Variants in LILRB2 observed in about 807,000 individuals in gnomAD.
LILRB2 encodes leukocyte immunoglobulin like receptor B2, also known as leukocyte immunoglobulin-like receptor subfamily B member 2.
In LILRB2, 47 loss-of-function variants were observed where a neutral mutation model predicts 72.7. That is an observed-to-expected ratio of 0.65 (90% CI 0.51 to 0.82). The LOEUF (loss-of-function observed/expected upper bound fraction) is 0.82. Among genes scored for constraint, LILRB2 ranks in the 40% least tolerant of loss-of-function variants. The pLI is 0.00. For synonymous variants in LILRB2, 279 were observed against 313.7 expected, an observed-to-expected ratio of 0.89 and a Z score of 1.17; for missense variants, 767 against 764.8, an observed-to-expected ratio of 1.00 and a Z score of -0.03.
chr19:54,276,512 C>A (rs1211322772), intron 10 of LILRB2, 56 bp from the exon 11 acceptor site: 6 of 1,305,672 alleles, frequency 4.6e-6, no homozygotes, highest in Admixed American at 2.6e-5. Context: ...CCCTGCCCTG[C>A]ACACACAGCT....
Position 54,276,822 on chromosome 19 carries a change from T to C in LILRB2, c.1465A>G (p.Lys489Glu). 1 of 1,613,804 alleles carries C rather than the reference T, an allele frequency of 6.2e-7. No homozygotes were observed. Residue 489 changes from lysine (K) to glutamate (E), a missense_variant, in exon 10 of 14, where the codon AAA becomes GAA. Lys to Glu is a moderately conservative substitution (Grantham distance 56). Coordinates refer to ENST00000314446, the MANE Select transcript of LILRB2 (RefSeq NM_001080978.4). ...FLILRHRRQGKHWTSTQRKAD... is the reference protein window; with the variant it reads ...FLILRHRRQGEHWTSTQRKAD... Reference sequence around the variant, plus strand: ...CCCTACTCACTCGATGTCCAGTGTTTGCCCTGACGTCGATGTCGGAGGATG... The same window carrying C: ...CCCTACTCACTCGATGTCCAGTGTTCGCCCTGACGTCGATGTCGGAGGATG...
intron 1 of LILRB2, 99 bp from the exon 2 acceptor site, chr19:54,280,643 T>G: frequency 6.7e-7 from 1 of 1,489,470 alleles, no homozygotes; most frequent in African/African-American, 1.4e-5. Flanking sequence ...TGTTGTCATC[T>G]GCAGCCACAC....
chr19:54,276,858 G>A lies in LILRB2; in HGVS notation c.1429C>T (p.Leu477Phe), dbSNP rs1237337226. 6.2e-6 allele frequency: 10 copies of A among 1,613,162 alleles called. No homozygotes were observed. The African/African-American group carries it at 1.1e-4, about 17-fold the overall frequency. The stretch of plus-strand genomic sequence containing the variant: ...CGATGTCGGAGGATGAGGAAGAGGA[G>A]GAGGAGGAGGAGGAGCAGTAGGACG... Reference protein sequence around the residue: ...AVVLLLLLLLLLFLILRHRRQ... With the variant: ...AVVLLLLLLLFLFLILRHRRQ... Residue 477 changes from leucine to phenylalanine, a missense_variant, in exon 10 of 14, where the codon CTC becomes TTC. Coordinates refer to ENST00000314446, the MANE Select transcript of LILRB2 (RefSeq NM_001080978.4).
Position 54,276,593 on chromosome 19 carries a change from T to TTTACATTTGTAGATGGCACTGAGC in LILRB2, c.1481-138_1481-137insGCTCAGTGCCATCTACAAATGTAA, listed in dbSNP as rs2080239965. On this transcript the variant is annotated intron_variant, in intron 10 of 13. Coordinates refer to ENST00000314446, the MANE Select transcript of LILRB2 (RefSeq NM_001080978.4). Reference sequence around the variant, plus strand: ...CAAATGCCTCATGAGATGGACAGAGTCCGAAGGACACTTTACATTTGTAGA... The same window carrying TTTACATTTGTAGATGGCACTGAGC: ...CAAATGCCTCATGAGATGGACAGAGTTTACATTTGTAGATGGCACTGAGCCCGAAGGACACTTTACATTTGTAGA... 2.1e-6 allele frequency: 3 copies of TTTACATTTGTAGATGGCACTGAGC among 1,437,226 alleles called. No individual in the cohort carries two copies. The African/African-American group carries it at 4.3e-5, about 21-fold the overall frequency. The allele number at this position is 1,437,226 out of a possible 1,614,324, so 89.0% of individuals were successfully genotyped here.
At position 54,277,869 on chromosome 19, in the gene LILRB2, C is replaced by T. The variant is rs1284261720; in HGVS notation, c.1309+20G>A. 2 of 1,541,978 alleles carry T rather than the reference C, an allele frequency of 1.3e-6. No homozygotes were observed. Among genetic ancestry groups the T allele is most frequent in the Non-Finnish European group, 1.8e-6 (2 of 1,138,444 alleles). On this transcript the variant is annotated intron_variant, in intron 8 of 13. Coordinates refer to ENST00000314446, the MANE Select transcript of LILRB2 (RefSeq NM_001080978.4). Reference sequence around the variant, plus strand: ...GGGGGTCGCTGCGCTCCCTTCGAGCCAGAGGCCTCAGGGACTCACCAGGTG... The same window carrying T: ...GGGGGTCGCTGCGCTCCCTTCGAGCTAGAGGCCTCAGGGACTCACCAGGTG...
At position 54,277,948 on chromosome 19, in the gene LILRB2, AAGAATG is replaced by A. The variant is rs2080324849; in HGVS notation, c.1259-15_1259-10del. The A allele has an allele frequency of 6.7e-7, 1 of 1,499,956 alleles. No homozygotes were observed. The highest frequency in any genetic ancestry group is 1.4e-5 in the African/African-American group (1 of 70,734). The allele number at this position is 1,499,956 out of a possible 1,614,324, so 92.9% of individuals were successfully genotyped here. ...GGAACCCATGGAGGGTCCTGGGTGA[AAGAATG>A]AGAGGAGGGTGAGGAGCTGGGGCTT... On this transcript the variant is annotated splice_polypyrimidine_tract_variant and intron_variant, in intron 7 of 13. Transcript: ENST00000314446.
At position 54,278,965 on chromosome 19, in the gene LILRB2, G is replaced by A. The variant is rs370296500; in HGVS notation, c.802C>T (p.Pro268Ser). 2.0e-5 allele frequency: 33 copies of A among 1,614,082 alleles called. No individual in the cohort carries two copies. The highest frequency in any genetic ancestry group is 2.5e-5 in the Non-Finnish European group (29 of 1,180,020). ...KEGERDLRQL[P>S]GRQPQAGLSQ... ...AGCCCAGCCTGGGGCTGCCGGCCAG[G>A]GAGCTGGCGAAGGTCACGTTCCCCC... The change falls in exon 6 of 14, where the codon CCT becomes TCT. Residue 268 changes from proline (P) to serine (S), a missense_variant. By Grantham distance (74) the Pro-to-Ser change is moderately conservative. Coordinates refer to ENST00000314446, the MANE Select transcript of LILRB2 (RefSeq NM_001080978.4).
At chr19:54,278,709 C>A (rs1250933584) in intron 6 of LILRB2, 103 bp downstream of exon 6, 41 of 1,535,780 alleles carry the variant, frequency 2.7e-5, no homozygotes, top group Non-Finnish European at 3.4e-5. Context: ...CTCTCCCTCC[C>A]TTGGGACCAC....
chr19:54,279,813 G>A lies in LILRB2; in HGVS notation c.333C>T (p.Asp111=), dbSNP rs1277321908. Residue 111 remains aspartate (D), a synonymous_variant, in exon 4 of 14, where the codon GAC becomes GAT. Transcript: ENST00000314446. ...YSRARWSELS[D]PLVLVMTGAY... ...CACCTGTCATCACCAGCACCAGGGG[G>A]TCACTGAGCTCAGACCACCGAGCGC... The A allele has an allele frequency of 7.4e-6, 12 of 1,613,962 alleles. No homozygotes were observed. The highest frequency in any genetic ancestry group is 1.0e-5 in the Non-Finnish European group (12 of 1,179,974).
At chr19:54,280,911 A>G in intron 1 of LILRB2, 50 bp downstream of exon 1, 1 of 392,020 alleles carries the variant, frequency 2.6e-6, no homozygotes, top group Non-Finnish European at 4.4e-6. Flanking sequence ...CCACATGGTC[A>G]CCCTCCCTCC....
intron 9 of LILRB2, chr19:54,277,336 G>T: frequency 8.2e-7 from 1 of 1,215,286 alleles, no homozygotes; most frequent in Non-Finnish European, 1.2e-6. Context: ...TTCCCTGAGG[G>T]GCCTCCTCTC....
chr19:54,278,393 AGGATATTCGT>A lies in LILRB2; in HGVS notation c.1115_1124del (p.His372LeufsTer9), dbSNP rs1308231963. ...TCATGGGGAATTCAGCCTGGTACTTAGGATATTCGTGTATTGATCTTAGACGGAGTGGGGC... is the reference window on the plus strand; with the variant it reads ...TCATGGGGAATTCAGCCTGGTACTTAGTATTGATCTTAGACGGAGTGGGGC... On this transcript the variant is annotated frameshift_variant, in exon 7 of 14. Transcript: ENST00000314446. LOFTEE classifies it high-confidence loss of function. 1 of 1,614,172 alleles carries A rather than the reference AGGATATTCGT, an allele frequency of 6.2e-7. No homozygotes were observed. Among genetic ancestry groups the A allele is most frequent in the South Asian group, 1.1e-5 (1 of 91,090 alleles).
At chr19:54,275,017 T>C (rs1339904985) in intron 13 of LILRB2, 188 bp from the exon 14 acceptor site, 2 of 1,608,828 alleles carry the variant, frequency 1.2e-6, no homozygotes, top group Non-Finnish European at 1.7e-6. Context: ...TCTGGAGTGT[T>C]TCACCGGGGC....
At chr19:54,279,250 C>T (rs1167888986) in intron 5 of LILRB2, 95 bp downstream of exon 5, 154 of 1,540,164 alleles carry the variant, frequency 1.0e-4, no homozygotes, top group Non-Finnish European at 1.2e-4. Context: ...CCAACATCAT[C>T]CCACCTGGAA....
rs149508154 is a variant in LILRB2 at position 54,276,808 on chromosome 19, C to T, written c.1479G>A (p.Ser493=). Residue 493 remains serine (S), a splice_region_variant and synonymous_variant, in exon 10 of 14, where the codon TCG becomes TCA. Transcript: ENST00000314446. ...CAGGGTTTCCCCTTCCCTACTCACT[C>T]GATGTCCAGTGTTTGCCCTGACGTC... is the stretch of plus-strand genomic sequence containing the variant. ...RHRRQGKHWT[S]TQRKADFQHP... 25,711 of 1,613,022 alleles carry T rather than the reference C, an allele frequency of 0.016. 326 individuals carry two copies. The highest frequency in any genetic ancestry group is 0.019 in the Non-Finnish European group (22,061 of 1,179,374).
At chr19:54,280,723 G>A in intron 1 of LILRB2, 179 bp from the exon 2 acceptor site, 1 of 589,888 alleles carries the variant, frequency 1.7e-6, no homozygotes, top group Non-Finnish European at 2.7e-6. Flanking sequence ...GCAGGCACTG[G>A]GCCCTCTGCA....
At position 54,280,082 on chromosome 19, in the gene LILRB2, G is replaced by A; in HGVS notation, c.71-7C>T. The A allele has an allele frequency of 1.2e-6, 2 of 1,613,362 alleles. No homozygotes were observed. Among genetic ancestry groups the A allele is most frequent in the South Asian group, 1.1e-5 (1 of 91,076 alleles). On this transcript the variant is annotated splice_region_variant and splice_polypyrimidine_tract_variant and intron_variant, in intron 3 of 13. Transcript: ENST00000314446. ...GTGGGCTTGGGGATGGTCCCTGGAA[G>A]GAAATCAAAGGTCAGATTCGAAGTC...
In LILRB2 at chr19:54,277,408, C is replaced by T. The variant is rs1171215341; in HGVS notation, c.1357+142G>A. ...ACTTTCCCACCTGCAGGCCTCTCTC[C>T]TTTACACTTGGAGAAACTGAGGCCC... On this transcript the variant is annotated intron_variant, in intron 9 of 13. Transcript: ENST00000314446. The T allele has an allele frequency of 5.1e-6, 7 of 1,370,556 alleles. No homozygotes were observed. The African/African-American group carries it at 8.8e-5, about 17-fold the overall frequency. 84.9% of individuals were successfully genotyped at this position (1,370,556 alleles called of 1,614,324 possible).
At chr19:54,277,246 G>C in intron 9 of LILRB2, 7 of 1,532,506 alleles carry the variant, frequency 4.6e-6, no homozygotes, top group South Asian at 1.2e-5. Context: ...CCACGACTCT[G>C]CTCCCCTCCC....
Sources: allele counts gnomAD v4.1 joint callset, GRCh38; gene constraint gnomAD v4.1.1; transcripts MANE v1.5; gene names NCBI Gene and HGNC (gene_info 2026-07-23, HGNC 2026-07-21).